The following MOXD1 variants were observed in gnomAD, a reference collection of about 807,000 sequenced individuals.
The protein encoded by MOXD1 is monooxygenase DBH like 1.
MOXD1 carries 62 observed loss-of-function variants against 66.6 expected under a neutral mutation model. The observed-to-expected ratio is 0.93, with a 90% CI of 0.76 to 1.15. MOXD1 has a LOEUF of 1.15. Ranked by LOEUF, MOXD1 falls within the 50% of genes most tolerant of loss-of-function variation. The probability of loss-of-function intolerance (pLI) is 0.00; values close to 1 mark genes in which losing one functional copy is unlikely to be tolerated. For missense variants in MOXD1, 847 were observed against 754.6 expected (o/e 1.12, Z -1.44); for synonymous variants, 303 against 281.9 (o/e 1.07, Z -0.75).
intron 1 of MOXD1, among the ~76,000 whole-genome samples, chr6:132,384,779 G>A (rs920318218): frequency 6.6e-6 from 1 of 152,212 alleles, no homozygotes; most frequent in Non-Finnish European, 1.5e-5. Context: ...TGCCCAAAGA[G>A]GTCCCTGAGG....
Position 132,372,662 on chromosome 6 carries a change from A to T in MOXD1, c.609T>A (p.Tyr203Ter). 1.9e-6 allele frequency: 3 copies of T among 1,613,998 alleles called. No homozygotes were observed. The highest frequency in any genetic ancestry group is 2.5e-6 in the Non-Finnish European group (3 of 1,179,894). Residue 203 changes from tyrosine (Y) to a stop codon, truncating the protein, a stop_gained, in exon 4 of 12, where the codon TAT becomes TAA. Transcript: ENST00000367963. LOFTEE classifies it high-confidence loss of function. ...CAGGAATCTTAAACATTTGGCACCAATATGTTGTATCTTTGTTTGGGATGG... is the reference window on the plus strand; with the variant it reads ...CAGGAATCTTAAACATTTGGCACCATTATGTTGTATCTTTGTTTGGGATGG... ...DVPIPNKDTT[Y>*]WCQMFKIPVF... is the part of the protein sequence containing the mutation.
chr6:132,303,829 GTGTGTGTATATATATATATATATA>G lies in MOXD1; in HGVS notation c.1509-5898_1509-5875del, dbSNP rs1562276357. On this transcript the variant is annotated intron_variant, in intron 10 of 11. Coordinates refer to ENST00000367963, the MANE Select transcript of MOXD1 (RefSeq NM_015529.4). The stretch of plus-strand genomic sequence containing the variant: ...CACATGTGTGTGTGTGTGTGTGTGT[GTGTGTGTATATATATATATATATA>G]TATATATATATATATATATATATAT... 9.6e-3 allele frequency among the ~76,000 whole-genome samples: 678 copies of G among 70,598 alleles called. 8 individuals are homozygous for G. The highest frequency in any genetic ancestry group is 0.031 in the African/African-American group (635 of 20,308). 46.3% of individuals were successfully genotyped at this position (70,598 alleles called of 152,430 possible).
At chr6:132,297,495 C>T (rs1442697025) in intron 11 of MOXD1, among the ~76,000 whole-genome samples, 178 bp from the exon 12 acceptor site, 1 of 152,086 alleles carries the variant, frequency 6.6e-6, no homozygotes, top group Non-Finnish European at 1.5e-5. Flanking sequence ...AAAAGAGGGC[C>T]AGGCACTCCT....
intron 1 of MOXD1, among the ~76,000 whole-genome samples, chr6:132,381,304 TC>T (rs1776503905): frequency 6.6e-6 from 1 of 152,188 alleles, no homozygotes; most frequent in African/African-American, 2.4e-5. Context: ...ACCAAAGTAT[TC>T]CCCAGTAGTA....
chr6:132,389,012 A>C (rs1406018195), intron 1 of MOXD1, among the ~76,000 whole-genome samples: 1 of 151,250 alleles, frequency 6.6e-6, no homozygotes, highest in Non-Finnish European at 1.5e-5. Flanking sequence ...CCCTCAGTTC[A>C]ACGATTGCTG....
At chr6:132,312,097 G>A (rs528475265) in intron 10 of MOXD1, among the ~76,000 whole-genome samples, 1 of 151,898 alleles carries the variant, frequency 6.6e-6, no homozygotes, top group African/African-American at 2.4e-5. Context: ...TATCTATTTT[G>A]TTGTTTGATC....
intron 2 of MOXD1, among the ~76,000 whole-genome samples, chr6:132,373,583 C>G (rs1409720149): frequency 6.6e-6 from 1 of 152,086 alleles, no homozygotes; most frequent in East Asian, 1.9e-4. Context: ...TTTTATGAAT[C>G]CTGGGAATTT....
At chr6:132,371,619 G>T (rs1776263103) in intron 4 of MOXD1, among the ~76,000 whole-genome samples, 1 of 152,112 alleles carries the variant, frequency 6.6e-6, no homozygotes, top group Admixed American at 6.6e-5. Context: ...TAGGAAAAGT[G>T]TTATGGCTGT....
chr6:132,386,428 CAAAACAAAAA>C (rs1776642503), intron 1 of MOXD1, among the ~76,000 whole-genome samples: 1 of 86,012 alleles, frequency 1.2e-5, no homozygotes, highest in Admixed American at 1.1e-4. Context: ...CAAAACAAAA[CAAAACAAAAA>C]AAAAAAACAA....
intron 1 of MOXD1, chr6:132,391,128 G>A (rs2114693174): frequency 6.6e-6 from 1 of 151,374 alleles, no homozygotes. Context: ...AAACATTGAG[G>A]GGAGAGGCAA....
chr6:132,384,258 CT>C lies in MOXD1; in HGVS notation c.265-9482del, dbSNP rs1256707123. On this transcript the variant is annotated intron_variant, in intron 1 of 11. Coordinates refer to ENST00000367963, the MANE Select transcript of MOXD1 (RefSeq NM_015529.4). ...CCTCCCTCTCTTCCTTCCTTCCTTC[CT>C]TCCTTCCTTCCTTCCTTCCTTCCTT... Among the ~76,000 whole-genome samples, 24 of 93,806 alleles carry C rather than the reference CT, an allele frequency of 2.6e-4. No homozygotes were observed. The East Asian group carries it at 8.8e-3, about 34-fold the overall frequency. The allele number at this position is 93,806 out of a possible 152,430, so 61.5% of individuals were successfully genotyped here.
intron 4 of MOXD1, among the ~76,000 whole-genome samples, chr6:132,333,072 C>T (rs899821579): frequency 2.0e-5 from 3 of 152,078 alleles, no homozygotes; most frequent in Admixed American, 6.5e-5. Context: ...CGCTGTGGCT[C>T]ACGCCTGTAA....
At chr6:132,382,438 T>C (rs1776530718) in intron 1 of MOXD1, among the ~76,000 whole-genome samples, 2 of 152,156 alleles carry the variant, frequency 1.3e-5, no homozygotes, top group African/African-American at 4.8e-5. Context: ...ATATTCTAAT[T>C]CAAACACTTT....
At chr6:132,396,694 A>G (rs982280136) in intron 1 of MOXD1, among the ~76,000 whole-genome samples, 3 of 152,172 alleles carry the variant, frequency 2.0e-5, no homozygotes, top group Non-Finnish European at 4.4e-5. Context: ...ATAGACAAGT[A>G]TAACTGATAT....
chr6:132,374,905 TG>T, intron 1 of MOXD1, 128 bp from the exon 2 acceptor site: 1 of 925,964 alleles, frequency 1.1e-6, no homozygotes, highest in Non-Finnish European at 1.6e-6. Context: ...TCCAAGGGGC[TG>T]GAGTATTCCA....
At chr6:132,306,519 A>C (rs1002775480) in intron 10 of MOXD1, among the ~76,000 whole-genome samples, 3 of 152,158 alleles carry the variant, frequency 2.0e-5, no homozygotes, top group African/African-American at 7.2e-5. Flanking sequence ...GAACACCATT[A>C]AGATACTCCA....
chr6:132,321,055 A>C (rs1308344594), intron 8 of MOXD1, among the ~76,000 whole-genome samples: 1 of 152,198 alleles, frequency 6.6e-6, no homozygotes, highest in African/African-American at 2.4e-5. Context: ...TCACGAGGTC[A>C]GGAGTTCAAG....
At chr6:132,384,484 AACTT>A (rs1297212934) in intron 1 of MOXD1, among the ~76,000 whole-genome samples, 15 of 152,226 alleles carry the variant, frequency 9.9e-5, no homozygotes, top group African/African-American at 3.6e-4. Context: ...TTTCTAAAGA[AACTT>A]AAACAATAAA....
At chr6:132,397,636 CAGAAAGAAAGAAAGAAAGAA>C (rs71759740) in intron 1 of MOXD1, among the ~76,000 whole-genome samples, 4,809 of 122,340 alleles carry the variant, frequency 0.039, 176 homozygotes, top group East Asian at 0.2. Context: ...GAGAGAGAGA[CAGAAAGAAAGAAAGAAAGAA>C]AGAAAGAAAG....
Sources: allele counts gnomAD v4.1 joint callset (sites outside exome capture counted in the v4.1 genomes callset), GRCh38; gene constraint gnomAD v4.1.1; transcripts MANE v1.5; gene names NCBI Gene and HGNC (gene_info 2026-07-23, HGNC 2026-07-21).